PTPRD: variants seen among roughly 807,000 people sequenced by gnomAD.
PTPRD encodes the protein protein tyrosine phosphatase receptor type D.
A neutral mutation model predicts 214.5 loss-of-function variants in PTPRD; 34 were observed. That is an observed-to-expected ratio of 0.16 (90% CI 0.12 to 0.21). PTPRD has a LOEUF of 0.21. PTPRD is among the 10% of genes least tolerant of loss of function. The pLI is 1.00. For synonymous variants in PTPRD, 1,128 were observed against 845.7 expected (o/e 1.33, Z -5.79); for missense variants, 2,545 against 2,398.7 (o/e 1.06, Z -1.27).
At chr9:10,144,286 T>C (rs1022903566) in intron 3 of PTPRD, among the ~76,000 whole-genome samples, 2 of 152,100 alleles carry the variant, frequency 1.3e-5, no homozygotes, top group African/African-American at 2.4e-5. Context: ...AAAAGTAACA[T>C]CTGTTCCCCA....
rs1400243925 is a variant in PTPRD at position 8,563,616 on chromosome 9, T to C, written c.353-34837A>G. Among the ~76,000 whole-genome samples, 6 of 152,042 alleles carry C rather than the reference T, an allele frequency of 3.9e-5. No homozygotes were observed. The East Asian group carries it at 5.8e-4, about 15-fold the overall frequency. ...CACACCTGGCTAATTTTTGTATTTT[T>C]AGTAGAGATGGGGTTTCACCATGTT... On this transcript the variant is annotated intron_variant, in intron 14 of 45. Coordinates refer to ENST00000381196, the MANE Select transcript of PTPRD (RefSeq NM_002839.4).
intron 11 of PTPRD, among the ~76,000 whole-genome samples, chr9:8,770,550 T>C (rs952522294): frequency 6.6e-6 from 1 of 152,174 alleles, no homozygotes; most frequent in African/African-American, 2.4e-5. Flanking sequence ...GTGTAGTCAA[T>C]CCCTCTAGGA....
chr9:9,094,324 G>A (rs541713868), intron 10 of PTPRD, among the ~76,000 whole-genome samples: 1 of 152,204 alleles, frequency 6.6e-6, no homozygotes, highest in East Asian at 1.9e-4. Flanking sequence ...ATAAGACATC[G>A]ATTGCCACTC....
At chr9:8,643,569 C>T (rs530055309) in intron 12 of PTPRD, among the ~76,000 whole-genome samples, 7 of 152,276 alleles carry the variant, frequency 4.6e-5, no homozygotes, top group South Asian at 2.1e-4. Flanking sequence ...ATAGGGGAAG[C>T]GGGGAATAGG....
At chr9:9,973,796 T>A (rs1015467808) in intron 4 of PTPRD, among the ~76,000 whole-genome samples, 1 of 152,086 alleles carries the variant, frequency 6.6e-6, no homozygotes, top group African/African-American at 2.4e-5. Flanking sequence ...CATTTATATT[T>A]TTATTTGTAT....
At chr9:9,831,635 G>C (rs1352063990) in intron 5 of PTPRD, among the ~76,000 whole-genome samples, 1 of 151,944 alleles carries the variant, frequency 6.6e-6, no homozygotes, top group Non-Finnish European at 1.5e-5. Flanking sequence ...ACCTCTCAAT[G>C]TTCTTTACCT....
intron 8 of PTPRD, among the ~76,000 whole-genome samples, chr9:9,444,426 C>T (rs1175680876): frequency 1.3e-5 from 2 of 152,018 alleles, no homozygotes; most frequent in Admixed American, 6.6e-5. Context: ...ATTCTCAGAC[C>T]CAAAGGACTA....
intron 9 of PTPRD, among the ~76,000 whole-genome samples, chr9:9,334,999 A>G (rs1028939033): frequency 3.9e-5 from 6 of 152,048 alleles, no homozygotes; most frequent in African/African-American, 1.4e-4. Context: ...AATGAATAAA[A>G]TGCACCTGTT....
intron 9 of PTPRD, among the ~76,000 whole-genome samples, chr9:9,236,490 C>G (rs10977599): frequency 0.11 from 17,440 of 151,764 alleles, 1,227 homozygotes; most frequent in Non-Finnish European, 0.15. Flanking sequence ...TATACTCTCT[C>G]AACTTCCTGG....
At chr9:8,926,913 T>C (rs572071963) in intron 11 of PTPRD, among the ~76,000 whole-genome samples, 218 of 152,266 alleles carry the variant, frequency 1.4e-3, no homozygotes, top group African/African-American at 5.1e-3. Context: ...GAAAACATCA[T>C]TTGAGCCCAG....
At chr9:8,780,387 G>C (rs897033386) in intron 11 of PTPRD, among the ~76,000 whole-genome samples, 1 of 152,090 alleles carries the variant, frequency 6.6e-6, no homozygotes, top group African/African-American at 2.4e-5. Context: ...AGGCACAGCA[G>C]ACACAATAGC....
chr9:8,701,832 T>C (rs937699067), intron 12 of PTPRD, among the ~76,000 whole-genome samples: 1 of 152,182 alleles, frequency 6.6e-6, no homozygotes, highest in African/African-American at 2.4e-5. Context: ...GAGTATTCCA[T>C]ATAAAAGTGA....
At chr9:8,521,570 G>A (rs929637342) in intron 19 of PTPRD, 24 bp from the exon 20 acceptor site, 2 of 1,608,120 alleles carry the variant, frequency 1.2e-6, no homozygotes, top group Admixed American at 1.7e-5. Context: ...CAAGGGAAAT[G>A]ATAACATATA....
rs763845646 is a variant in PTPRD, at chr9:8,449,777, T to C, written c.3936A>G (p.Ser1312=). The change falls in exon 34 of 46, where the codon TCA becomes TCG. Residue 1312 remains serine (S), a synonymous_variant. Transcript: ENST00000381196. ...SSIPNNKEIP[S]HHPTDPVELR... is the part of the protein sequence containing the mutation. ...GTTCTACAGGGTCTGTTGGGTGGTG[T>C]GAAGGGATCTCCTTATTGTTCGGTA... 2.5e-6 allele frequency: 4 copies of C among 1,614,018 alleles called. No individual in the cohort carries two copies. In the African/African-American group the frequency reaches 4.0e-5, roughly 16 times the overall value.
At chr9:9,141,792 C>G (rs2099860905) in intron 10 of PTPRD, among the ~76,000 whole-genome samples, 1 of 150,790 alleles carries the variant, frequency 6.6e-6, no homozygotes, top group Admixed American at 6.6e-5. Flanking sequence ...TATTATATAT[C>G]TCTATATAAT....
intron 4 of PTPRD, among the ~76,000 whole-genome samples, chr9:9,943,286 T>C (rs958294255): frequency 3.3e-5 from 5 of 151,954 alleles, no homozygotes; most frequent in African/African-American, 7.3e-5. Flanking sequence ...GCAGTGGAGG[T>C]TTATTCTAGG....
chr9:10,386,088 A>T (rs73644442), intron 2 of PTPRD, among the ~76,000 whole-genome samples: 1,738 of 151,974 alleles, frequency 0.011, 44 homozygotes, highest in African/African-American at 0.04. Flanking sequence ...CATGAAATTC[A>T]GTCTTTACTT....
chr9:8,528,133 C>A, intron 15 of PTPRD: 1 of 302,482 alleles, frequency 3.3e-6, no homozygotes, highest in Admixed American at 5.0e-5. Flanking sequence ...AGAAAACATA[C>A]TTTAATAAAA....
chr9:8,505,838 T>G (rs967214780), intron 22 of PTPRD, among the ~76,000 whole-genome samples: 1 of 152,136 alleles, frequency 6.6e-6, no homozygotes, highest in Non-Finnish European at 1.5e-5. Flanking sequence ...CTTTACTCTT[T>G]GTATATATGT....
Sources: gnomAD v4.1 joint callset for allele counts (sites outside exome capture counted in the v4.1 genomes callset) on GRCh38, gnomAD v4.1.1 for gene constraint, MANE v1.5 for transcripts, NCBI Gene and HGNC (gene_info 2026-07-23, HGNC 2026-07-21) for gene names.